ROR2: variants seen among roughly 807,000 people sequenced by gnomAD.
ROR2 encodes tyrosine-protein kinase transmembrane receptor ROR2.
In ROR2, 33 loss-of-function variants were observed where a neutral mutation model predicts 74.9. The observed-to-expected ratio is 0.44, with a 90% CI of 0.33 to 0.59. The LOEUF (loss-of-function observed/expected upper bound fraction) is 0.59. Ranked by LOEUF, ROR2 falls within the 20% of genes least tolerant of loss-of-function variation. The pLI is 0.02. For synonymous variants in ROR2, 586 were observed against 558.7 expected, an observed-to-expected ratio of 1.05 and a Z score of -0.69; for missense variants, 1,216 against 1,313.8, an observed-to-expected ratio of 0.93 and a Z score of 1.15.
chr9:91,727,748 G>A lies in ROR2; in HGVS notation c.1184-1005C>T, dbSNP rs139495646. Among the ~76,000 whole-genome samples the A allele has an allele frequency of 2.0e-3, 301 of 152,282 alleles. 1 individual carries two copies. The highest frequency in any genetic ancestry group is 6.9e-3 in the African/African-American group (285 of 41,558). Reference sequence around the variant, plus strand: ...AGACTTAGAGGGCCCCATGGCCAGGGGGCAAAGCGCTTCTCATCTGGAAGC... The same window carrying A: ...AGACTTAGAGGGCCCCATGGCCAGGAGGCAAAGCGCTTCTCATCTGGAAGC... On this transcript the variant is annotated intron_variant, in intron 7 of 8. Transcript: ENST00000375708.
At chr9:91,726,978 A>G (rs971257662) in intron 7 of ROR2, among the ~76,000 whole-genome samples, 2 of 152,196 alleles carry the variant, frequency 1.3e-5, no homozygotes, top group Admixed American at 6.5e-5. Context: ...ACCTGGAAAC[A>G]AGCGGGAATA....
rs541615325 is a variant in ROR2, at chr9:91,722,741, C to G, written c.*921G>C. The G allele has an allele frequency of 3.1e-6, 2 of 647,244 alleles. No individual in the cohort carries two copies. The highest frequency in any genetic ancestry group is 1.8e-5 in the South Asian group (1 of 57,062). 40.1% of individuals were successfully genotyped at this position (647,244 alleles called of 1,614,324 possible). Reference sequence around the variant, plus strand: ...GAATGGACCTCATGTGCACGTGGTACAGAGAGAAGCAAACCAAGACCAACT... The same window carrying G: ...GAATGGACCTCATGTGCACGTGGTAGAGAGAGAAGCAAACCAAGACCAACT... On this transcript the variant is annotated 3_prime_UTR_variant, in exon 9 of 9. Coordinates refer to ENST00000375708, the MANE Select transcript of ROR2 (RefSeq NM_004560.4).
At chr9:91,865,939 A>C (rs1481512649) in intron 1 of ROR2, among the ~76,000 whole-genome samples, 3 of 152,224 alleles carry the variant, frequency 2.0e-5, no homozygotes, top group Admixed American at 6.5e-5. Flanking sequence ...AAATTTAGCT[A>C]CACATATTGA....
At chr9:91,759,921 T>C (rs1203804518) in intron 2 of ROR2, among the ~76,000 whole-genome samples, 1 of 152,188 alleles carries the variant, frequency 6.6e-6, no homozygotes, top group Non-Finnish European at 1.5e-5. Context: ...CCTGATAATT[T>C]ACAGCTGTCT....
chr9:91,888,031 C>A (rs1030305456), intron 1 of ROR2, among the ~76,000 whole-genome samples: 6 of 152,146 alleles, frequency 3.9e-5, no homozygotes, highest in African/African-American at 1.4e-4. Flanking sequence ...ACCTCGTGAT[C>A]TGCCCGCCTC....
At chr9:91,815,588 G>A (rs1308574645) in intron 1 of ROR2, among the ~76,000 whole-genome samples, 5 of 152,332 alleles carry the variant, frequency 3.3e-5, no homozygotes, top group Non-Finnish European at 7.4e-5. Flanking sequence ...AATAAACAGT[G>A]TAAATACTGT....
At position 91,830,561 on chromosome 9, in the gene ROR2, C is replaced by T. The variant is rs937463265; in HGVS notation, c.98-54743G>A. Among the ~76,000 whole-genome samples, 7 of 152,278 alleles carry T rather than the reference C, an allele frequency of 4.6e-5. No homozygotes were observed. In the East Asian group the frequency reaches 1.4e-3, roughly 29 times the overall value. On this transcript the variant is annotated intron_variant, in intron 1 of 8. Coordinates refer to ENST00000375708, the MANE Select transcript of ROR2 (RefSeq NM_004560.4). ...TTCAGAGCACACAGCACTAACAACA[C>T]AAAACCCAACTGCAGAAGCAGGAAA...
At chr9:91,777,254 A>G (rs1287344313) in intron 1 of ROR2, among the ~76,000 whole-genome samples, 2 of 152,206 alleles carry the variant, frequency 1.3e-5, no homozygotes, top group African/African-American at 4.8e-5. Flanking sequence ...GAACTAGTAG[A>G]ATGGGTACAA....
intron 1 of ROR2, among the ~76,000 whole-genome samples, chr9:91,899,765 G>A (rs756307351): frequency 5.9e-5 from 9 of 151,996 alleles, no homozygotes; most frequent in South Asian, 2.1e-4. Flanking sequence ...ACACACAAAC[G>A]TGTGCACACA....
At chr9:91,762,586 T>C (rs980424636) in intron 2 of ROR2, among the ~76,000 whole-genome samples, 4 of 152,344 alleles carry the variant, frequency 2.6e-5, no homozygotes, top group Admixed American at 2.6e-4. Flanking sequence ...ATATTTCACT[T>C]TGAACACTTA....
chr9:91,794,646 G>A (rs1306916266), intron 1 of ROR2, among the ~76,000 whole-genome samples: 5 of 152,016 alleles, frequency 3.3e-5, no homozygotes, highest in African/African-American at 1.2e-4. Flanking sequence ...GAGTGCAGTG[G>A]CGTGATCTTG....
intron 1 of ROR2, among the ~76,000 whole-genome samples, chr9:91,900,998 T>C (rs1830663918): frequency 6.6e-6 from 1 of 152,198 alleles, no homozygotes; most frequent in Non-Finnish European, 1.5e-5. Context: ...TTTTAATGTG[T>C]ACTACGAGGA....
intron 1 of ROR2, among the ~76,000 whole-genome samples, chr9:91,785,607 T>G (rs1406498890): frequency 2.0e-5 from 3 of 152,232 alleles, no homozygotes; most frequent in Non-Finnish European, 4.4e-5. Flanking sequence ...TCTCTGAGTT[T>G]TGGCTCACTG....
chr9:91,882,782 G>A (rs1830154186), intron 1 of ROR2, among the ~76,000 whole-genome samples: 3 of 152,100 alleles, frequency 2.0e-5, no homozygotes, highest in South Asian at 2.1e-4. Context: ...GACACAGAGA[G>A]GTGCCCACGT....
At chr9:91,825,576 GA>G (rs1228540397) in intron 1 of ROR2, among the ~76,000 whole-genome samples, 1 of 152,172 alleles carries the variant, frequency 6.6e-6, no homozygotes, top group Non-Finnish European at 1.5e-5. Flanking sequence ...TGGGTGTCAG[GA>G]AACATCCCAA....
intron 1 of ROR2, among the ~76,000 whole-genome samples, chr9:91,823,160 G>A (rs1828184174): frequency 6.6e-6 from 1 of 152,168 alleles, no homozygotes; most frequent in South Asian, 2.1e-4. Flanking sequence ...CTGGAGAAAG[G>A]TGAATATCAA....
At chr9:91,800,760 C>T (rs1827347896) in intron 1 of ROR2, among the ~76,000 whole-genome samples, 3 of 152,210 alleles carry the variant, frequency 2.0e-5, no homozygotes, top group Non-Finnish European at 4.4e-5. Flanking sequence ...CGTGTAGTTA[C>T]GAGGCCACAG....
intron 4 of ROR2, among the ~76,000 whole-genome samples, chr9:91,741,589 T>C (rs188774036): frequency 6.6e-6 from 1 of 152,256 alleles, no homozygotes; most frequent in Admixed American, 6.5e-5. Flanking sequence ...ATGTCAAAAT[T>C]CAAATGTAGC....
intron 4 of ROR2, 53 bp downstream of exon 4, chr9:91,756,018 T>A (rs1825737943): frequency 6.3e-7 from 1 of 1,590,118 alleles, no homozygotes. Flanking sequence ...GATTCCTACA[T>A]AACAAAAACC....
Sources: gnomAD v4.1 joint callset for allele counts (sites outside exome capture counted in the v4.1 genomes callset) on GRCh38, gnomAD v4.1.1 for gene constraint, MANE v1.5 for transcripts, NCBI Gene and HGNC (gene_info 2026-07-23, HGNC 2026-07-21) for gene names.